Variants in SCOC observed in about 807,000 individuals in gnomAD.
The protein encoded by SCOC is short coiled coil protein.
In SCOC, 7 loss-of-function variants were observed where a neutral mutation model predicts 9.9. The observed-to-expected ratio is 0.71, with a 90% CI of 0.40 to 1.33. The LOEUF (loss-of-function observed/expected upper bound fraction) is 1.33, where lower values mean the gene tolerates loss of function less well. Ranked by LOEUF, SCOC falls within the 40% of genes most tolerant of loss-of-function variation. The pLI, the probability that SCOC is intolerant of heterozygous loss-of-function variation, is 0.01. For synonymous variants in SCOC, 19 were observed against 28.2 expected (o/e 0.67, Z 1.03); for missense variants, 66 against 89.7 (o/e 0.74, Z 1.07).
At chr4:140,261,002 C>T (rs1198938292) in intron 1 of SCOC, among the ~76,000 whole-genome samples, 2 of 152,202 alleles carry the variant, frequency 1.3e-5, no homozygotes, top group Non-Finnish European at 2.9e-5. Context: ...AAGTTGAACT[C>T]GATGTTCAAC....
At chr4:140,270,085 T>G (rs996758195) in intron 1 of SCOC, among the ~76,000 whole-genome samples, 1 of 152,160 alleles carries the variant, frequency 6.6e-6, no homozygotes, top group Admixed American at 6.5e-5. Flanking sequence ...TAGAGTTCAC[T>G]ATTTAGTAAG....
intron 1 of SCOC, among the ~76,000 whole-genome samples, chr4:140,336,984 T>C (rs1256425626): frequency 2.6e-5 from 4 of 152,238 alleles, no homozygotes; most frequent in Non-Finnish European, 5.9e-5. Flanking sequence ...ATTTCCTTCA[T>C]TACCAAAGAT....
At chr4:140,361,650 T>C (rs758153335) in intron 2 of SCOC, among the ~76,000 whole-genome samples, 2 of 152,020 alleles carry the variant, frequency 1.3e-5, no homozygotes, top group Non-Finnish European at 2.9e-5. Context: ...CAAAGTGAGA[T>C]CCTCTCTCTA....
intron 1 of SCOC, among the ~76,000 whole-genome samples, chr4:140,265,707 A>G (rs1353731109): frequency 1.3e-5 from 2 of 152,242 alleles, no homozygotes; most frequent in Non-Finnish European, 2.9e-5. Flanking sequence ...CATGTAGGCT[A>G]TAGTTCACGA....
intron 1 of SCOC, among the ~76,000 whole-genome samples, chr4:140,276,281 C>T (rs998797937): frequency 1.3e-5 from 2 of 151,954 alleles, no homozygotes; most frequent in African/African-American, 2.4e-5. Flanking sequence ...GGATTACAGG[C>T]GTGAGCTACC....
intron 1 of SCOC, among the ~76,000 whole-genome samples, chr4:140,262,777 G>C (rs1730659965): frequency 6.6e-6 from 1 of 152,034 alleles, no homozygotes; most frequent in Non-Finnish European, 1.5e-5. Context: ...TATGGCGGAG[G>C]GGCGAAGGGG....
At chr4:140,348,418 C>T (rs1052133125) in intron 2 of SCOC, among the ~76,000 whole-genome samples, 6 of 152,044 alleles carry the variant, frequency 3.9e-5, no homozygotes, top group Admixed American at 2.0e-4. Context: ...TGTCTTTCTG[C>T]GCCTGGCTAA....
In SCOC at chr4:140,262,556, T is replaced by G. The variant is rs184207348; in HGVS notation, c.-19+5146T>G. On this transcript the variant is annotated intron_variant, in intron 1 of 4. Transcript: ENST00000394205. ...TTCTCCTGTTTCTGCTATAGAGTGT[T>G]GGGCTCAATGATAGTGGCTCCTTGA... Among the ~76,000 whole-genome samples, 15 of 152,266 alleles carry G rather than the reference T, an allele frequency of 9.9e-5. No homozygotes were observed. In the East Asian group the frequency reaches 1.7e-3, roughly 18 times the overall value.
chr4:140,323,144 G>A (rs1473197593), intron 1 of SCOC, among the ~76,000 whole-genome samples: 1 of 152,120 alleles, frequency 6.6e-6, no homozygotes, highest in African/African-American at 2.4e-5. Context: ...AGGTGGTTGG[G>A]TCATAGGGGC....
At chr4:140,353,200 C>G (rs966848037) in intron 2 of SCOC, among the ~76,000 whole-genome samples, 5 of 152,044 alleles carry the variant, frequency 3.3e-5, no homozygotes, top group African/African-American at 1.2e-4. Context: ...ACACGGGCCC[C>G]AAAAGAACAG....
intron 1 of SCOC, among the ~76,000 whole-genome samples, chr4:140,267,914 A>G (rs912196092): frequency 2.6e-5 from 4 of 152,060 alleles, no homozygotes; most frequent in African/African-American, 9.7e-5. Flanking sequence ...TGGCCTCCGG[A>G]GCTGGTCAGC....
At chr4:140,338,032 C>T (rs946424273) in intron 1 of SCOC, among the ~76,000 whole-genome samples, 41 of 152,106 alleles carry the variant, frequency 2.7e-4, no homozygotes, top group Non-Finnish European at 2.6e-4. Context: ...TGATGAACAT[C>T]GATGCAAAAA....
intron 2 of SCOC, among the ~76,000 whole-genome samples, chr4:140,344,662 G>A (rs1343300399): frequency 6.6e-6 from 1 of 152,162 alleles, no homozygotes; most frequent in African/African-American, 2.4e-5. Flanking sequence ...ATAAGGGGAG[G>A]AAAGGTACGA....
intron 1 of SCOC, among the ~76,000 whole-genome samples, chr4:140,267,347 T>C (rs1730750905): frequency 6.6e-6 from 1 of 152,088 alleles, no homozygotes; most frequent in African/African-American, 2.4e-5. Flanking sequence ...CTTGAGACCT[T>C]TGAACGTGAG....
chr4:140,321,275 A>T (rs1201585559), intron 1 of SCOC, among the ~76,000 whole-genome samples: 1 of 152,322 alleles, frequency 6.6e-6, no homozygotes, highest in Admixed American at 6.5e-5. Context: ...CATATTTACC[A>T]TTCATCAAAA....
intron 1 of SCOC, among the ~76,000 whole-genome samples, chr4:140,292,687 GA>G (rs1173281665): frequency 1.3e-5 from 2 of 152,218 alleles, no homozygotes; most frequent in Non-Finnish European, 2.9e-5. Context: ...CCGAGGAGGG[GA>G]CGTTGCTGTA....
At chr4:140,281,652 G>A (rs888463531) in intron 1 of SCOC, among the ~76,000 whole-genome samples, 1 of 152,194 alleles carries the variant, frequency 6.6e-6, no homozygotes, top group African/African-American at 2.4e-5. Flanking sequence ...AGGTGCTGGG[G>A]AGCAGGTGGC....
intron 1 of SCOC, among the ~76,000 whole-genome samples, chr4:140,274,081 C>A (rs1176412516): frequency 6.6e-6 from 1 of 152,114 alleles, no homozygotes; most frequent in African/African-American, 2.4e-5. Context: ...GAAAGAAACT[C>A]GTTGTACATT....
Position 140,373,728 on chromosome 4 carries a change from TC to T in SCOC, c.-51+14del. ...CGCCTCAAGCGGAAGGTGAGGGCCG[TC>T]CCGGGCAGCGGAGGGCCTGGCCCCA... On this transcript the variant is annotated intron_variant, in intron 1 of 3. Coordinates refer to ENST00000608372, the MANE Select transcript of SCOC (RefSeq NM_001153484.2). 1 of 1,544,144 alleles carries T rather than the reference TC, an allele frequency of 6.5e-7. No individual in the cohort carries two copies. Among genetic ancestry groups the T allele is most frequent in the Non-Finnish European group, 8.7e-7 (1 of 1,146,484 alleles).
Sources: gnomAD v4.1 joint callset for allele counts (sites outside exome capture counted in the v4.1 genomes callset) on GRCh38, gnomAD v4.1.1 for gene constraint, MANE v1.5 for transcripts, NCBI Gene and HGNC (gene_info 2026-07-23, HGNC 2026-07-21) for gene names.